Variants in CUX1 observed in about 807,000 individuals in gnomAD.
CUX1 encodes protein CASP.
A neutral mutation model predicts 158.8 loss-of-function variants in CUX1; 31 were observed. The ratio of observed to expected loss-of-function variants is 0.20; its 90% CI spans 0.15 to 0.26. The LOEUF is 0.26. CUX1 is among the 10% of genes least tolerant of loss of function. The probability of loss-of-function intolerance (pLI) is 1.00; values close to 1 mark genes in which losing one functional copy is unlikely to be tolerated. For missense variants in CUX1, 1,589 were observed against 2,014.6 expected (o/e 0.79, Z 4.04); for synonymous variants, 879 against 862.1 (o/e 1.02, Z -0.34).
intron 1 of CUX1, among the ~76,000 whole-genome samples, chr7:101,882,037 A>G (rs1488335134): frequency 6.7e-6 from 1 of 148,208 alleles, no homozygotes; most frequent in Non-Finnish European, 1.5e-5. Context: ...AAAAAAAATC[A>G]GCTGGGCTTG....
At chr7:102,103,672 G>C (rs549350615) in intron 5 of CUX1, among the ~76,000 whole-genome samples, 1 of 152,142 alleles carries the variant, frequency 6.6e-6, no homozygotes, top group Non-Finnish European at 1.5e-5. Context: ...TGGGCTCAAG[G>C]GATCCTCTCA....
chr7:102,209,082 G>A (rs934151651), intron 20 of CUX1, among the ~76,000 whole-genome samples: 12 of 152,188 alleles, frequency 7.9e-5, no homozygotes, highest in Admixed American at 6.5e-5. Context: ...GGTGCCCTGC[G>A]CTAGAGTGGC....
At chr7:102,049,431 G>A (rs892569096) in intron 3 of CUX1, among the ~76,000 whole-genome samples, 9 of 152,268 alleles carry the variant, frequency 5.9e-5, no homozygotes, top group South Asian at 2.1e-4. Context: ...CTCTGATGTC[G>A]AACTCCGAAG....
Position 101,817,751 on chromosome 7 carries a change from G to C in CUX1, c.30+82G>C. 1.3e-6 allele frequency: 2 copies of C among 1,511,348 alleles called. No individual in the cohort carries two copies. The highest frequency in any genetic ancestry group is 1.8e-6 in the Non-Finnish European group (2 of 1,122,360). 93.6% of individuals were successfully genotyped at this position (1,511,348 alleles called of 1,614,324 possible). The stretch of plus-strand genomic sequence containing the variant: ...TGTCGGGGGGTGCCCGGGTCCCGCG[G>C]CTTAGAATGCTCTAGGGCGGCCTGG... On this transcript the variant is annotated intron_variant, in intron 1 of 23. Coordinates refer to ENST00000292535, the MANE Select transcript of CUX1 (RefSeq NM_181552.4). The surrounding 1 kb of genome is among the most constrained non-coding windows in gnomAD (Gnocchi z 4.1).
At chr7:101,971,002 C>T (rs1811880470) in intron 2 of CUX1, among the ~76,000 whole-genome samples, 1 of 152,216 alleles carries the variant, frequency 6.6e-6, no homozygotes, top group Non-Finnish European at 1.5e-5. Flanking sequence ...TTATCTTAGG[C>T]ACCTGCTTTG....
intron 3 of CUX1, among the ~76,000 whole-genome samples, chr7:102,031,764 T>TTAC (rs943102143): frequency 6.6e-6 from 1 of 152,108 alleles, no homozygotes; most frequent in Admixed American, 6.6e-5. Flanking sequence ...TCTCCCTTAG[T>TTAC]TACTCTTTTT....
intron 2 of CUX1, among the ~76,000 whole-genome samples, chr7:102,003,525 C>T (rs751965384): frequency 6.6e-6 from 1 of 152,116 alleles, no homozygotes; most frequent in African/African-American, 2.4e-5. Context: ...GATCTCCGTT[C>T]GAGTCTGAGC....
chr7:101,869,861 C>T lies in CUX1; in HGVS notation c.31-46254C>T, dbSNP rs528570654. Among the ~76,000 whole-genome samples, 1 of 152,172 alleles carries T rather than the reference C, an allele frequency of 6.6e-6. No homozygotes were observed. The highest frequency in any genetic ancestry group is 6.5e-5 in the Admixed American group (1 of 15,274). ...CAAATCTTAAATCCTCTTGTTAAGACGCGCTCCGCCCCTGTGTCCTTATTT... is the reference window on the plus strand; with the variant it reads ...CAAATCTTAAATCCTCTTGTTAAGATGCGCTCCGCCCCTGTGTCCTTATTT... On this transcript the variant is annotated intron_variant, in intron 1 of 23. Coordinates refer to ENST00000292535, the MANE Select transcript of CUX1 (RefSeq NM_181552.4). The surrounding 1 kb of genome is among the most constrained non-coding windows in gnomAD (Gnocchi z 4.5).
In CUX1 at chr7:102,252,685, C is replaced by A. The variant is rs1801642359; in HGVS notation, c.*3643C>A. 1 of 985,442 alleles carries A rather than the reference C, an allele frequency of 1.0e-6. No homozygotes were observed. Among genetic ancestry groups the A allele is most frequent in the Non-Finnish European group, 1.2e-6 (1 of 829,950 alleles). 61.0% of individuals were successfully genotyped at this position (985,442 alleles called of 1,614,324 possible). On this transcript the variant is annotated 3_prime_UTR_variant, in exon 24 of 24. Coordinates refer to ENST00000292535, the MANE Select transcript of CUX1 (RefSeq NM_181552.4). ...GCAGGTGTGTGAGTTCTGTCCTAGA[C>A]CTGTGCCCAACTCACTTCCACCCCA... is the stretch of plus-strand genomic sequence containing the variant.
chr7:102,274,322 C>A lies in CUX1; in HGVS notation c.1450+12C>A, dbSNP rs782207202. The A allele has an allele frequency of 7.4e-6, 12 of 1,610,890 alleles. No individual in the cohort carries two copies. The South Asian group carries it at 1.1e-4, about 15-fold the overall frequency. On this transcript the variant is annotated intron_variant, in intron 16 of 22. Coordinates refer to the CUX1 transcript ENST00000292538. Reference sequence around the variant, plus strand: ...TGCCCTATTCTACGGTAAGGAGAGGCCTGACCCATGGGAGGAGGGAGGAGG... The same window carrying A: ...TGCCCTATTCTACGGTAAGGAGAGGACTGACCCATGGGAGGAGGGAGGAGG...
intron 1 of CUX1, among the ~76,000 whole-genome samples, chr7:101,907,609 A>G (rs1019254971): frequency 1.3e-5 from 2 of 152,146 alleles, no homozygotes; most frequent in South Asian, 4.1e-4. Flanking sequence ...CCAGCCTCCC[A>G]AAGTTCTGGG....
Position 102,249,234 on chromosome 7 carries a change from A to G in CUX1, c.*192A>G. On this transcript the variant is annotated 3_prime_UTR_variant, in exon 24 of 24. Transcript: ENST00000292535. The stretch of plus-strand genomic sequence containing the variant: ...TGCACCGACCCGAGGCCCAGATCCA[A>G]GGCCGCGGCCCAGACCCACTCTGCG... The G allele has an allele frequency of 9.2e-7, 1 of 1,086,068 alleles. No homozygotes were observed. The highest frequency in any genetic ancestry group is 1.1e-6 in the Non-Finnish European group (1 of 893,956). The allele number at this position is 1,086,068 out of a possible 1,614,324, so 67.3% of individuals were successfully genotyped here. A position where few individuals can be genotyped will look rare whatever the true frequency, so the allele number is the denominator to read the frequency against.
At chr7:101,976,649 T>C (rs971814894) in intron 2 of CUX1, among the ~76,000 whole-genome samples, 2 of 152,164 alleles carry the variant, frequency 1.3e-5, no homozygotes, top group Non-Finnish European at 1.5e-5. Flanking sequence ...AGTGTGAATG[T>C]GGCAGCATTT....
chr7:102,224,399 GTT>G (rs782390873), intron 20 of CUX1, among the ~76,000 whole-genome samples: 1 of 152,094 alleles, frequency 6.6e-6, no homozygotes, highest in Admixed American at 6.5e-5. Context: ...TAGGGAGGGG[GTT>G]TCACCACGTT....
chr7:102,199,625 A>G (rs1204248853), intron 16 of CUX1, among the ~76,000 whole-genome samples: 1 of 152,250 alleles, frequency 6.6e-6, no homozygotes, highest in Non-Finnish European at 1.5e-5. Context: ...AATGATTGAT[A>G]GACAATCAGC....
At chr7:102,114,306 G>A (rs782267041) in intron 7 of CUX1, among the ~76,000 whole-genome samples, 17 of 151,896 alleles carry the variant, frequency 1.1e-4, no homozygotes, top group Non-Finnish European at 1.6e-4. Context: ...AATGAGTCTC[G>A]CTCTGTCACC....
chr7:102,173,171 C>A (rs1320903818), intron 10 of CUX1, among the ~76,000 whole-genome samples: 4 of 151,892 alleles, frequency 2.6e-5, no homozygotes, highest in African/African-American at 9.7e-5. Flanking sequence ...ACCAGCCTGG[C>A]CAATATGGCG....
In CUX1 at chr7:102,239,402, C is replaced by T. The variant is rs1554534034; in HGVS notation, c.3705C>T (p.Gly1235=). 2.5e-6 allele frequency: 4 copies of T among 1,613,528 alleles called. No individual in the cohort carries two copies. Among genetic ancestry groups the T allele is most frequent in the East Asian group, 2.2e-5 (1 of 44,878 alleles). Residue 1235 remains glycine, a synonymous_variant, in exon 23 of 24, where the codon GGC becomes GGT. Transcript: ENST00000292535. ...PPSVGTEYSQ[G]ASPQPQHQLK... ...CTGTCGGCACCGAGTACAGCCAGGG[C>T]GCCAGCCCCCAGCCCCAGCACCAGC...
intron 2 of CUX1, among the ~76,000 whole-genome samples, chr7:101,996,706 T>C (rs1408610658): frequency 1.5e-5 from 2 of 131,952 alleles, no homozygotes; most frequent in Non-Finnish European, 3.1e-5. Flanking sequence ...GTCTTTTTCC[T>C]TCCCTCCCTT....
Sources: gnomAD v4.1 joint callset for allele counts (sites outside exome capture counted in the v4.1 genomes callset) on GRCh38, gnomAD v4.1.1 for gene constraint, Gnocchi (gnomAD v3.1) non-coding constraint, MANE v1.5 for transcripts, NCBI Gene and HGNC (gene_info 2026-07-23, HGNC 2026-07-21) for gene names.